The following JPH3 variants were observed in gnomAD, a reference collection of about 807,000 sequenced individuals.
JPH3 encodes junctophilin-3.
In JPH3, 11 loss-of-function variants were observed where a neutral mutation model predicts 59.6. The ratio of observed to expected loss-of-function variants is 0.18; its 90% CI spans 0.12 to 0.31. JPH3 has a LOEUF of 0.31. Ranked by LOEUF, JPH3 falls within the 10% of genes least tolerant of loss-of-function variation. The pLI, the probability that JPH3 is intolerant of heterozygous loss-of-function variation, is 1.00. For synonymous variants in JPH3, 673 were observed against 483.6 expected (o/e 1.39, Z -5.14); for missense variants, 1,202 against 1,105.7 (o/e 1.09, Z -1.24).
chr16:87,607,584 G>A (rs999890768), intron 1 of JPH3, among the ~76,000 whole-genome samples: 5 of 152,250 alleles, frequency 3.3e-5, no homozygotes, highest in Admixed American at 6.5e-5. Context: ...GCCTGTAAAC[G>A]GGGAGCTCAG....
chr16:87,645,542 A>T (rs1202436260), intron 2 of JPH3, among the ~76,000 whole-genome samples: 2 of 152,136 alleles, frequency 1.3e-5, no homozygotes, highest in African/African-American at 4.8e-5. Context: ...GCCAATTCCG[A>T]GTGCCTGGCA....
chr16:87,641,573 C>G (rs1469783619), intron 1 of JPH3, among the ~76,000 whole-genome samples: 1 of 152,242 alleles, frequency 6.6e-6, no homozygotes, highest in African/African-American at 2.4e-5. Flanking sequence ...CTGGTACCCC[C>G]CTTCTCCAGC....
intron 4 of JPH3, among the ~76,000 whole-genome samples, chr16:87,692,339 G>A (rs572864334): frequency 6.6e-6 from 1 of 152,086 alleles, no homozygotes; most frequent in African/African-American, 2.4e-5. Context: ...AGCAGGAGGG[G>A]CCCGTGCCAG....
intron 2 of JPH3, among the ~76,000 whole-genome samples, chr16:87,663,760 T>G (rs903002074): frequency 2.0e-5 from 3 of 152,140 alleles, no homozygotes; most frequent in South Asian, 2.1e-4. Context: ...CTCGGTAAAC[T>G]TACAGCGTTT....
At chr16:87,606,010 G>A (rs1165267391) in intron 1 of JPH3, among the ~76,000 whole-genome samples, 2 of 152,198 alleles carry the variant, frequency 1.3e-5, no homozygotes, top group East Asian at 1.9e-4. Flanking sequence ...GGACATCTGG[G>A]CCACTTTTCT....
chr16:87,678,113 G>A (rs969105277), intron 2 of JPH3, among the ~76,000 whole-genome samples: 2 of 152,110 alleles, frequency 1.3e-5, no homozygotes, highest in Admixed American at 6.6e-5. Context: ...TTAGCCAGGC[G>A]TAGTGTCTTC....
chr16:87,659,708 G>C (rs2032639526), intron 2 of JPH3, among the ~76,000 whole-genome samples: 1 of 151,978 alleles, frequency 6.6e-6, no homozygotes, highest in African/African-American at 2.4e-5. Flanking sequence ...ACTCCAGCCT[G>C]GGCAACAAAG....
chr16:87,646,869 G>A (rs1226153788), intron 2 of JPH3, among the ~76,000 whole-genome samples: 1 of 152,126 alleles, frequency 6.6e-6, no homozygotes, highest in Non-Finnish European at 1.5e-5. Flanking sequence ...TCACAGCCTT[G>A]GCACTGGGTG....
chr16:87,634,502 C>A (rs188481973), intron 1 of JPH3, among the ~76,000 whole-genome samples: 1 of 152,194 alleles, frequency 6.6e-6, no homozygotes, highest in East Asian at 1.9e-4. Flanking sequence ...CCTTTCTCTG[C>A]GGGTTGGCTT....
At chr16:87,659,383 A>AAAAAAAAAAAAAAAC (rs1567603495) in intron 2 of JPH3, among the ~76,000 whole-genome samples, 1 of 120,362 alleles carries the variant, frequency 8.3e-6, no homozygotes, top group Non-Finnish European at 2.0e-5. Flanking sequence ...TCAAAAAAAA[A>AAAAAAAAAAAAAAAC]AAAGAAAAAA....
rs541611423 is a variant in JPH3, at chr16:87,615,048, A to G, written c.382+11520A>G. 5.8e-4 allele frequency among the ~76,000 whole-genome samples: 88 copies of G among 151,948 alleles called. 3 individuals are homozygous for G. The South Asian group carries it at 8.3e-3, about 14-fold the overall frequency. On this transcript the variant is annotated intron_variant, in intron 1 of 4. Transcript: ENST00000284262. ...GGAGCCGCGCGTCCCCTCCCGGGAT[A>G]AACGCTGGTCCCTGCACACGTGAGG...
At chr16:87,691,156 C>T (rs2033562980) in intron 4 of JPH3, among the ~76,000 whole-genome samples, 1 of 151,610 alleles carries the variant, frequency 6.6e-6, no homozygotes, top group Non-Finnish European at 1.5e-5. Context: ...CTGGGCTAGA[C>T]TCGGCGCGAG....
chr16:87,644,699 TCATCGAGGA>T lies in JPH3; in HGVS notation c.826_834del (p.Ile276_Asp278del). 6.2e-7 allele frequency: 1 copy of T among 1,610,908 alleles called. No homozygotes were observed. The highest frequency in any genetic ancestry group is 8.5e-7 in the Non-Finnish European group (1 of 1,179,634). ...GGCGAGGCTGAGGCCGAGCTGGCGGTCATCGAGGACGACATCGACGCCACCACCACCGAG... is the reference window on the plus strand; with the variant it reads ...GGCGAGGCTGAGGCCGAGCTGGCGGTCGACATCGACGCCACCACCACCGAG... On this transcript the variant is annotated inframe_deletion, in exon 2 of 5. Coordinates refer to ENST00000284262, the MANE Select transcript of JPH3 (RefSeq NM_020655.4).
chr16:87,680,448 C>T (rs938173178), intron 2 of JPH3, among the ~76,000 whole-genome samples: 18 of 152,228 alleles, frequency 1.2e-4, no homozygotes, highest in Admixed American at 4.6e-4. Flanking sequence ...CTTTTCTTGC[C>T]TCTTGCCTCT....
intron 1 of JPH3, among the ~76,000 whole-genome samples, chr16:87,621,172 AAAAG>A: frequency 6.6e-6 from 1 of 152,092 alleles, no homozygotes; most frequent in African/African-American, 2.4e-5. Flanking sequence ...AGGAAAAAGA[AAAAG>A]AAACTGGTCC....
At chr16:87,684,411 C>T in intron 3 of JPH3, 145 bp downstream of exon 3, 1 of 1,338,068 alleles carries the variant, frequency 7.5e-7, no homozygotes. Context: ...GTCTTCCTCT[C>T]CCGCCGAAGG....
Position 87,602,925 on chromosome 16 carries a change from C to T in JPH3, c.-222C>T. The T allele has an allele frequency of 2.8e-6, 1 of 355,800 alleles. No homozygotes were observed. Among genetic ancestry groups the T allele is most frequent in the Non-Finnish European group, 5.1e-6 (1 of 196,832 alleles). The allele number at this position is 355,800 out of a possible 1,614,324, so 22.0% of individuals were successfully genotyped here. A position where few individuals can be genotyped will look rare whatever the true frequency, so the allele number is the denominator to read the frequency against. ...GCGGGAGCGCGAGACGCTGGTCAGG[C>T]TCCGCGGCGCAGCTCGAAAAGGAAT... On this transcript the variant is annotated 5_prime_UTR_variant, in exon 1 of 5. Transcript: ENST00000284262.
intron 2 of JPH3, among the ~76,000 whole-genome samples, chr16:87,647,610 G>A (rs1005455288): frequency 2.6e-5 from 4 of 152,164 alleles, no homozygotes; most frequent in Admixed American, 2.0e-4. Flanking sequence ...TCCTGCTTCC[G>A]CATGCGCACA....
At chr16:87,667,261 C>T (rs997217453) in intron 2 of JPH3, among the ~76,000 whole-genome samples, 5 of 152,260 alleles carry the variant, frequency 3.3e-5, no homozygotes, top group African/African-American at 1.2e-4. Context: ...ATGCCCTCTT[C>T]TCAAGAGCCG....
Sources: gnomAD v4.1 joint callset for allele counts (sites outside exome capture counted in the v4.1 genomes callset) on GRCh38, gnomAD v4.1.1 for gene constraint, MANE v1.5 for transcripts, NCBI Gene and HGNC (gene_info 2026-07-23, HGNC 2026-07-21) for gene names.